The following CTNND2 variants were observed in gnomAD, a reference collection of about 807,000 sequenced individuals.
CTNND2 encodes the protein catenin delta 2.
Under a neutral mutation model 144.4 loss-of-function variants are expected in CTNND2, and 22 were observed. The ratio of observed to expected loss-of-function variants is 0.15; its 90% CI spans 0.11 to 0.22. The LOEUF (loss-of-function observed/expected upper bound fraction) is 0.22. CTNND2 is among the 10% of genes least tolerant of loss of function. CTNND2 has a pLI of 1.00. For synonymous variants in CTNND2, 751 were observed against 695.6 expected, an observed-to-expected ratio of 1.08 and a Z score of -1.25; for missense variants, 1,353 against 1,618.8, an observed-to-expected ratio of 0.84 and a Z score of 2.82.
intron 10 of CTNND2, among the ~76,000 whole-genome samples, chr5:11,208,108 A>G (rs1738239308): frequency 1.3e-5 from 2 of 152,182 alleles, no homozygotes; most frequent in Admixed American, 1.3e-4. Context: ...TTCCATTCAG[A>G]AAAGCAACAT....
intron 1 of CTNND2, among the ~76,000 whole-genome samples, chr5:11,793,155 G>A (rs941820171): frequency 6.6e-6 from 1 of 152,076 alleles, no homozygotes; most frequent in African/African-American, 2.4e-5. Context: ...TGGTTTATGG[G>A]GCTCCCGACC....
In CTNND2 at chr5:11,452,664, T is replaced by C. The variant is rs929410602; in HGVS notation, c.288-40595A>G. On this transcript the variant is annotated intron_variant, in intron 3 of 21. Transcript: ENST00000304623. ...AGATTCTTTTCATTCTAACTATTCA[T>C]TCTAGGTAGCCTGTTCACAAACAGG... 3.3e-4 allele frequency among the ~76,000 whole-genome samples: 50 copies of C among 152,200 alleles called. 1 individual carries two copies. Among genetic ancestry groups the C allele is most frequent in the Admixed American group, 6.5e-5 (1 of 15,280 alleles).
At chr5:11,301,543 A>AG (rs1749610662) in intron 9 of CTNND2, among the ~76,000 whole-genome samples, 1 of 152,162 alleles carries the variant, frequency 6.6e-6, no homozygotes, top group African/African-American at 2.4e-5. Context: ...AAGCTTTACA[A>AG]TCTTTCTTGT....
At chr5:11,055,556 C>A (rs758699106) in intron 16 of CTNND2, among the ~76,000 whole-genome samples, 3 of 152,182 alleles carry the variant, frequency 2.0e-5, no homozygotes, top group Non-Finnish European at 4.4e-5. Flanking sequence ...TGAGTACTTC[C>A]ACACACAGGT....
At chr5:11,028,974 G>C (rs541238677) in intron 16 of CTNND2, among the ~76,000 whole-genome samples, 42 of 152,364 alleles carry the variant, frequency 2.8e-4, no homozygotes, top group African/African-American at 7.7e-4. Context: ...CTTCCAAAGT[G>C]CTGGCAGTAC....
intron 1 of CTNND2, among the ~76,000 whole-genome samples, chr5:11,856,445 G>T (rs1795254377): frequency 6.6e-6 from 1 of 152,084 alleles, no homozygotes; most frequent in Admixed American, 6.5e-5. Flanking sequence ...AAAAAGCTGT[G>T]TTTCTCTGTA....
At chr5:11,311,773 C>T (rs1750899364) in intron 9 of CTNND2, among the ~76,000 whole-genome samples, 1 of 104,610 alleles carries the variant, frequency 9.6e-6, no homozygotes, top group South Asian at 3.9e-4. Context: ...TCCATGCACC[C>T]TCACCTCACA....
At chr5:11,120,735 A>G (rs1380757043) in intron 12 of CTNND2, among the ~76,000 whole-genome samples, 1 of 151,886 alleles carries the variant, frequency 6.6e-6, no homozygotes, top group Admixed American at 6.6e-5. Flanking sequence ...TACTGTCTGC[A>G]GGCATGATGA....
intron 1 of CTNND2, among the ~76,000 whole-genome samples, chr5:11,868,949 G>A (rs567051731): frequency 2.4e-4 from 36 of 152,038 alleles, no homozygotes; most frequent in South Asian, 1.5e-3. Flanking sequence ...ATAAGCAACC[G>A]AACACAGACA....
rs370939583 is a variant in CTNND2 at position 11,199,531 on chromosome 5, G to A, written c.1892C>T (p.Ala631Val). The A allele has an allele frequency of 5.6e-6, 9 of 1,614,128 alleles. No individual in the cohort carries two copies. Among genetic ancestry groups the A allele is most frequent in the South Asian group, 1.1e-5 (1 of 91,070 alleles). Residue 631 changes from alanine to valine, a missense_variant, in exon 11 of 22, where the codon GCC (alanine) becomes GTC (valine). Physicochemically the swap from Ala to Val is moderately conservative, Grantham distance 64. Coordinates refer to ENST00000304623, the MANE Select transcript of CTNND2 (RefSeq NM_001332.4). ...TGGGATGCCACCACAGTTTTTCAGG[G>A]CAATTTTGTTATCATCGTTGGCCTT... ...YGKANDDNKI[A>V]LKNCGGIPAL...
intron 3 of CTNND2, among the ~76,000 whole-genome samples, chr5:11,443,890 G>A (rs1764564326): frequency 6.6e-6 from 1 of 152,148 alleles, no homozygotes; most frequent in Non-Finnish European, 1.5e-5. Flanking sequence ...CTAAGCATTG[G>A]ATAATAGTAG....
intron 17 of CTNND2, among the ~76,000 whole-genome samples, chr5:11,018,965 C>T (rs1055823930): frequency 2.0e-5 from 3 of 152,082 alleles, no homozygotes; most frequent in Non-Finnish European, 4.4e-5. Context: ...CCTCAGCCTA[C>T]CAAAGTGCTG....
At chr5:11,669,697 G>C (rs1783768830) in intron 2 of CTNND2, among the ~76,000 whole-genome samples, 1 of 151,828 alleles carries the variant, frequency 6.6e-6, no homozygotes, top group Non-Finnish European at 1.5e-5. Context: ...TAAAAAACCA[G>C]CTGCTGGATT....
At chr5:10,993,344 A>T (rs1226857247) in intron 18 of CTNND2, among the ~76,000 whole-genome samples, 1 of 152,198 alleles carries the variant, frequency 6.6e-6, no homozygotes, top group African/African-American at 2.4e-5. Flanking sequence ...TATATCACAG[A>T]TTATTTTGTG....
At chr5:11,751,871 ATC>A (rs1788642874) in intron 1 of CTNND2, among the ~76,000 whole-genome samples, 1 of 151,830 alleles carries the variant, frequency 6.6e-6, no homozygotes, top group African/African-American at 2.4e-5. Context: ...CCTCACCAGC[ATC>A]TGTTACTATT....
At chr5:11,328,026 A>T (rs1752709932) in intron 9 of CTNND2, among the ~76,000 whole-genome samples, 1 of 152,224 alleles carries the variant, frequency 6.6e-6, no homozygotes, top group Non-Finnish European at 1.5e-5. Context: ...AAACCAAAGG[A>T]ATAAAATGGA....
chr5:11,297,631 C>A (rs533609807), intron 9 of CTNND2, among the ~76,000 whole-genome samples: 7 of 151,940 alleles, frequency 4.6e-5, no homozygotes, highest in Non-Finnish European at 8.8e-5. Flanking sequence ...ATATTAAATA[C>A]AGTAAATATT....
chr5:11,574,094 G>C (rs1418946441), intron 2 of CTNND2, among the ~76,000 whole-genome samples: 1 of 151,942 alleles, frequency 6.6e-6, no homozygotes, highest in African/African-American at 2.4e-5. Flanking sequence ...CATTCCCCGA[G>C]AACTGAAGAC....
intron 9 of CTNND2, among the ~76,000 whole-genome samples, chr5:11,337,433 A>G (rs1411682088): frequency 6.6e-6 from 1 of 152,164 alleles, no homozygotes; most frequent in Non-Finnish European, 1.5e-5. Flanking sequence ...CCTACCAAGG[A>G]CCTTTCTTCT....
Sources: gnomAD v4.1 joint callset for allele counts (sites outside exome capture counted in the v4.1 genomes callset) on GRCh38, gnomAD v4.1.1 for gene constraint, MANE v1.5 for transcripts, NCBI Gene and HGNC (gene_info 2026-07-23, HGNC 2026-07-21) for gene names.